MAGI1: variants seen among roughly 807,000 people sequenced by gnomAD.
MAGI1 encodes membrane-associated guanylate kinase, WW and PDZ domain-containing protein 1.
MAGI1 carries 58 observed loss-of-function variants against 139.9 expected under a neutral mutation model. That is an observed-to-expected ratio of 0.41 (90% CI 0.34 to 0.52). MAGI1 has a LOEUF of 0.52. MAGI1 is among the 20% of genes least tolerant of loss of function. The pLI is 0.12. For synonymous variants in MAGI1, 812 were observed against 737.9 expected (o/e 1.10, Z -1.63); for missense variants, 1,874 against 1,901.6 (o/e 0.99, Z 0.27).
chr3:66,021,932 C>A (rs2067985543), intron 1 of MAGI1, among the ~76,000 whole-genome samples: 1 of 152,168 alleles, frequency 6.6e-6, no homozygotes, highest in Admixed American at 6.6e-5. Context: ...TGATTTTCTT[C>A]AAGAAGCTGT....
intron 4 of MAGI1, among the ~76,000 whole-genome samples, chr3:65,471,943 A>G (rs1950582648): frequency 6.6e-6 from 1 of 152,132 alleles, no homozygotes; most frequent in African/African-American, 2.4e-5. Context: ...ACACAGAGGA[A>G]AGGAGAGGTG....
At chr3:66,014,975 G>T (rs6806075) in intron 1 of MAGI1, among the ~76,000 whole-genome samples, 70,025 of 151,680 alleles carry the variant, frequency 0.46, 17,312 homozygotes, top group East Asian at 0.74. Flanking sequence ...ACAAATCATC[G>T]CTACATGATC....
rs188641856 is a variant in MAGI1, at chr3:65,819,826, G to A, written c.314-197738C>T. 4.8e-3 allele frequency among the ~76,000 whole-genome samples: 579 copies of A among 120,660 alleles called. 8 individuals carry two copies. The highest frequency in any genetic ancestry group is 0.017 in the African/African-American group (558 of 31,932). The allele number at this position is 120,660 out of a possible 152,430, so 79.2% of individuals were successfully genotyped here. The stretch of plus-strand genomic sequence containing the variant: ...CAGGAGGCAGAGGTTGTAGTGAGCC[G>A]AGATCACACCACTGCACTCCAGCCT... On this transcript the variant is annotated intron_variant, in intron 1 of 22. Coordinates refer to ENST00000402939, the MANE Select transcript of MAGI1 (RefSeq NM_001033057.2).
At chr3:65,920,007 T>C (rs1412839009) in intron 1 of MAGI1, among the ~76,000 whole-genome samples, 1 of 152,192 alleles carries the variant, frequency 6.6e-6, no homozygotes, top group Non-Finnish European at 1.5e-5. Context: ...GGTCCGATGT[T>C]TAAATTCACA....
At chr3:65,748,666 A>G (rs989653313) in intron 1 of MAGI1, among the ~76,000 whole-genome samples, 6 of 152,206 alleles carry the variant, frequency 3.9e-5, no homozygotes, top group Non-Finnish European at 7.3e-5. Context: ...AGTTGTAGGA[A>G]GAGATTTAAA....
intron 1 of MAGI1, among the ~76,000 whole-genome samples, chr3:66,006,829 T>TTGTTC: frequency 6.6e-6 from 1 of 150,984 alleles, no homozygotes; most frequent in East Asian, 1.9e-4. Context: ...TTGTTTTGTT[T>TTGTTC]TGTTTTGTTT....
chr3:65,376,419 A>G (rs1942531464), intron 17 of MAGI1, among the ~76,000 whole-genome samples: 1 of 152,218 alleles, frequency 6.6e-6, no homozygotes. Flanking sequence ...TCTGTTTAGA[A>G]AAATAATCAC....
intron 2 of MAGI1, among the ~76,000 whole-genome samples, chr3:65,611,363 C>T (rs1237241389): frequency 7.0e-6 from 1 of 142,294 alleles, no homozygotes; most frequent in East Asian, 2.1e-4. Context: ...ATACTATATA[C>T]AGTATATATA....
At chr3:65,422,780 G>A (rs534098709) in intron 12 of MAGI1, among the ~76,000 whole-genome samples, 7 of 152,190 alleles carry the variant, frequency 4.6e-5, no homozygotes, top group South Asian at 2.1e-4. Flanking sequence ...AATAACCTCC[G>A]AGCCGAGGCC....
chr3:65,593,206 T>A (rs1424142203), intron 2 of MAGI1, among the ~76,000 whole-genome samples: 3 of 152,136 alleles, frequency 2.0e-5, no homozygotes, highest in Admixed American at 6.6e-5. Context: ...TCTATAATCA[T>A]GTATTTTTAA....
intron 1 of MAGI1, among the ~76,000 whole-genome samples, chr3:65,895,318 C>T (rs566488831): frequency 7.2e-5 from 11 of 152,306 alleles, no homozygotes; most frequent in African/African-American, 2.4e-4. Context: ...TCTTCTCCAG[C>T]CCCTATTCTC....
chr3:65,552,259 G>GGGGT (rs373009364), intron 2 of MAGI1, among the ~76,000 whole-genome samples: 2 of 147,940 alleles, frequency 1.4e-5, no homozygotes, highest in African/African-American at 5.0e-5. Flanking sequence ...TGTGTATAGG[G>GGGGT]GTGTGTGTGT....
chr3:65,994,092 G>A (rs950445680), intron 1 of MAGI1, among the ~76,000 whole-genome samples: 1 of 152,016 alleles, frequency 6.6e-6, no homozygotes, highest in Non-Finnish European at 1.5e-5. Context: ...TGGCCAACAT[G>A]GTGAAACCCC....
At chr3:65,605,004 T>C (rs2082666332) in intron 2 of MAGI1, among the ~76,000 whole-genome samples, 2 of 152,206 alleles carry the variant, frequency 1.3e-5, no homozygotes, top group Admixed American at 6.5e-5. Context: ...CCAGTTGTTA[T>C]GCCTGAAAAT....
chr3:65,416,600 A>G (rs1946236329), intron 12 of MAGI1, among the ~76,000 whole-genome samples: 1 of 152,220 alleles, frequency 6.6e-6, no homozygotes, highest in East Asian at 1.9e-4. Context: ...TGAATGAATG[A>G]ATGAATGACA....
intron 1 of MAGI1, among the ~76,000 whole-genome samples, chr3:65,875,503 G>A (rs2060082027): frequency 6.6e-6 from 1 of 152,166 alleles, no homozygotes. Flanking sequence ...AGGCTACTGA[G>A]GTTGCATGAG....
intron 5 of MAGI1, 32 bp downstream of exon 5, chr3:65,470,251 G>A (rs1950480547): frequency 6.8e-7 from 1 of 1,462,094 alleles, no homozygotes; most frequent in Non-Finnish European, 9.6e-7. Context: ...GAAAGAGAGA[G>A]AGATTTAGGT....
intron 12 of MAGI1, among the ~76,000 whole-genome samples, chr3:65,411,369 C>G (rs1945781515): frequency 6.6e-6 from 1 of 152,116 alleles, no homozygotes; most frequent in Admixed American, 6.6e-5. Context: ...GACCATGTAA[C>G]CCATTCCTCT....
At chr3:65,706,765 G>C (rs753870170) in intron 1 of MAGI1, among the ~76,000 whole-genome samples, 12 of 152,250 alleles carry the variant, frequency 7.9e-5, no homozygotes, top group Admixed American at 3.3e-4. Flanking sequence ...ATGGGTGGGT[G>C]GGGGGAACAG....
Sources: gnomAD v4.1 joint callset for allele counts (sites outside exome capture counted in the v4.1 genomes callset) on GRCh38, gnomAD v4.1.1 for gene constraint, MANE v1.5 for transcripts, NCBI Gene and HGNC (gene_info 2026-07-23, HGNC 2026-07-21) for gene names.